Variants in ELMO1 observed in about 807,000 individuals in gnomAD.
ELMO1 encodes engulfment and cell motility 1.
In ELMO1, 26 loss-of-function variants were observed where a neutral mutation model predicts 98.9. The observed-to-expected ratio is 0.26, with a 90% CI of 0.19 to 0.36. The LOEUF is 0.36. ELMO1 is among the 10% of genes least tolerant of loss of function. ELMO1 has a pLI of 1.00. For synonymous variants in ELMO1, 346 were observed against 346.0 expected, an observed-to-expected ratio of 1.00 and a Z score of 0.00; for missense variants, 627 against 935.2, an observed-to-expected ratio of 0.67 and a Z score of 4.30.
chr7:36,922,544 T>C (rs1042659415), intron 16 of ELMO1, among the ~76,000 whole-genome samples: 3 of 152,088 alleles, frequency 2.0e-5, no homozygotes, highest in African/African-American at 7.2e-5. Flanking sequence ...CTTTTCTTTC[T>C]GAAAATTAAG....
intron 21 of ELMO1, among the ~76,000 whole-genome samples, chr7:36,857,645 T>C (rs1236328291): frequency 6.6e-6 from 1 of 152,228 alleles, no homozygotes; most frequent in Non-Finnish European, 1.5e-5. Flanking sequence ...GTAGTACTGA[T>C]ACTGAATTTG....
At chr7:37,189,132 C>T (rs1051129424) in intron 13 of ELMO1, among the ~76,000 whole-genome samples, 2 of 152,102 alleles carry the variant, frequency 1.3e-5, no homozygotes, top group Non-Finnish European at 2.9e-5. Flanking sequence ...TAAAAGAATT[C>T]GGTAATTGTG....
chr7:37,104,010 C>CAAAAAAAAAAAAAAAAAAAAA (rs35979251), intron 14 of ELMO1, among the ~76,000 whole-genome samples: 5 of 29,002 alleles, frequency 1.7e-4, no homozygotes, highest in African/African-American at 3.8e-4. Flanking sequence ...GACTCCATCT[C>CAAAAAAAAAAAAAAAAAAAAA]AAAAAAAAAA....
intron 1 of ELMO1, among the ~76,000 whole-genome samples, chr7:37,347,864 AAAGATCAGC>A (rs1388236861): frequency 2.6e-5 from 4 of 152,164 alleles, no homozygotes; most frequent in Non-Finnish European, 5.9e-5. Flanking sequence ...GCTCTCCAGG[AAAGATCAGC>A]ACACAAGCCC....
intron 1 of ELMO1, among the ~76,000 whole-genome samples, chr7:37,443,034 G>A (rs1483303140): frequency 6.6e-6 from 1 of 152,156 alleles, no homozygotes; most frequent in Non-Finnish European, 1.5e-5. Flanking sequence ...ATACTATTCT[G>A]ACTGTTCTCC....
chr7:37,106,470 C>T (rs964347884), intron 14 of ELMO1, among the ~76,000 whole-genome samples: 1 of 152,148 alleles, frequency 6.6e-6, no homozygotes, highest in African/African-American at 2.4e-5. Flanking sequence ...ATAGAGAGCA[C>T]AGCCCTTACC....
chr7:37,184,393 G>A (rs544350194), intron 13 of ELMO1, among the ~76,000 whole-genome samples: 5 of 152,152 alleles, frequency 3.3e-5, no homozygotes, highest in Admixed American at 6.5e-5. Context: ...ACACGGTTTA[G>A]GGGCACCCTC....
intron 16 of ELMO1, among the ~76,000 whole-genome samples, chr7:36,958,541 G>A (rs578187457): frequency 6.6e-6 from 1 of 152,134 alleles, no homozygotes; most frequent in Non-Finnish European, 1.5e-5. Context: ...GATAACTTCT[G>A]TAATCAGACG....
In ELMO1 at chr7:37,218,811, G is replaced by A. The variant is rs552396512; in HGVS notation, c.781-2116C>T. Among the ~76,000 whole-genome samples the A allele has an allele frequency of 8.1e-4, 123 of 152,280 alleles. 1 individual carries two copies. Among genetic ancestry groups the A allele is most frequent in the African/African-American group, 9.4e-4 (39 of 41,556 alleles). On this transcript the variant is annotated intron_variant, in intron 10 of 21. Transcript: ENST00000310758. ...GTCACAAGAGTTGTAAATAATTGCC[G>A]TGGTTCTGCCTCTGGGAATATAATT...
At chr7:37,082,391 A>G (rs963874574) in intron 15 of ELMO1, among the ~76,000 whole-genome samples, 1 of 151,918 alleles carries the variant, frequency 6.6e-6, no homozygotes, top group African/African-American at 2.4e-5. Flanking sequence ...CAAAGGAGAA[A>G]AACATGCAGA....
At chr7:37,127,154 T>C (rs539676221) in intron 14 of ELMO1, among the ~76,000 whole-genome samples, 5 of 152,218 alleles carry the variant, frequency 3.3e-5, no homozygotes, top group Non-Finnish European at 7.3e-5. Context: ...AACTAAAGAC[T>C]ATCTCTGACA....
chr7:37,039,252 T>C (rs183649151), intron 15 of ELMO1, among the ~76,000 whole-genome samples: 3 of 152,318 alleles, frequency 2.0e-5, no homozygotes, highest in East Asian at 3.9e-4. Flanking sequence ...TGACATGCCA[T>C]GGTTTGAGGT....
At chr7:36,950,226 C>T (rs570581867) in intron 16 of ELMO1, among the ~76,000 whole-genome samples, 27 of 152,332 alleles carry the variant, frequency 1.8e-4, no homozygotes, top group African/African-American at 5.8e-4. Context: ...GATTGACTGG[C>T]ATGCTCATTA....
chr7:37,448,306 C>G (rs180815094), intron 1 of ELMO1, among the ~76,000 whole-genome samples: 2 of 151,778 alleles, frequency 1.3e-5, no homozygotes, highest in African/African-American at 4.8e-5. Context: ...CTCCCGCGCC[C>G]CCCCTCCCGC....
intron 2 of ELMO1, among the ~76,000 whole-genome samples, chr7:37,322,052 G>A (rs905863295): frequency 2.6e-5 from 4 of 151,650 alleles, no homozygotes; most frequent in Non-Finnish European, 5.9e-5. Flanking sequence ...TAGAGACGGG[G>A]TTTCACTATG....
At chr7:37,086,141 C>T (rs1270924273) in intron 15 of ELMO1, among the ~76,000 whole-genome samples, 1 of 152,210 alleles carries the variant, frequency 6.6e-6, no homozygotes, top group East Asian at 1.9e-4. Flanking sequence ...CAGCAGAGTC[C>T]CTTCCTCCTC....
chr7:37,294,826 C>G (rs1368158057), intron 4 of ELMO1, among the ~76,000 whole-genome samples: 1 of 152,030 alleles, frequency 6.6e-6, no homozygotes, highest in Non-Finnish European at 1.5e-5. Flanking sequence ...ACAGTGAAAC[C>G]CCTTCTCTAC....
intron 13 of ELMO1, among the ~76,000 whole-genome samples, chr7:37,182,361 G>T (rs1790920724): frequency 6.6e-6 from 1 of 152,060 alleles, no homozygotes; most frequent in Non-Finnish European, 1.5e-5. Context: ...TGCTCTTGAG[G>T]CAGGGAGAGA....
At chr7:37,346,784 C>T (rs902184780) in intron 1 of ELMO1, among the ~76,000 whole-genome samples, 10 of 152,166 alleles carry the variant, frequency 6.6e-5, no homozygotes, top group Non-Finnish European at 1.3e-4. Context: ...CCCACCTCTA[C>T]ATAAAATTGT....
Sources: gnomAD v4.1 joint callset for allele counts (sites outside exome capture counted in the v4.1 genomes callset) on GRCh38, gnomAD v4.1.1 for gene constraint, MANE v1.5 for transcripts, NCBI Gene and HGNC (gene_info 2026-07-23, HGNC 2026-07-21) for gene names.